Variants in SORCS2 observed in about 807,000 individuals in gnomAD.
SORCS2 encodes sortilin related VPS10 domain containing receptor 2, also known as VPS10 domain-containing receptor SorCS2.
In SORCS2, 100 loss-of-function variants were observed where a neutral mutation model predicts 141.6. The observed-to-expected ratio is 0.71, with a 90% confidence interval of 0.60 to 0.83. The LOEUF is 0.83. SORCS2 is among the 40% of genes least tolerant of loss of function. The pLI is 0.00. For synonymous variants in SORCS2, 789 were observed against 676.9 expected, an observed-to-expected ratio of 1.17 and a Z score of -2.57; for missense variants, 1,646 against 1,560.2, an observed-to-expected ratio of 1.05 and a Z score of -0.93.
intron 1 of SORCS2, among the ~76,000 whole-genome samples, chr4:7,309,589 G>T: frequency 6.6e-6 from 1 of 152,332 alleles, no homozygotes; most frequent in Admixed American, 6.5e-5. Context: ...TTGGCTTGCT[G>T]CTGAAGATTT....
At chr4:7,636,221 A>G (rs534975647) in intron 3 of SORCS2, among the ~76,000 whole-genome samples, 7 of 150,858 alleles carry the variant, frequency 4.6e-5, no homozygotes, top group African/African-American at 1.4e-4. Flanking sequence ...CTTGGCTCCA[A>G]AGGGAGACTT....
At chr4:7,622,724 C>G (rs1719284122) in intron 3 of SORCS2, among the ~76,000 whole-genome samples, 10 of 152,164 alleles carry the variant, frequency 6.6e-5, no homozygotes, top group Admixed American at 6.5e-4. Context: ...TGATGCTTCT[C>G]ACAGGAAACC....
At chr4:7,668,014 G>A in intron 8 of SORCS2, among the ~76,000 whole-genome samples, 1 of 152,176 alleles carries the variant, frequency 6.6e-6, no homozygotes, top group East Asian at 1.9e-4. Flanking sequence ...GAAGATCTCT[G>A]TCCCACATGC....
intron 18 of SORCS2, among the ~76,000 whole-genome samples, chr4:7,723,169 C>G (rs1444145417): frequency 6.6e-6 from 1 of 152,154 alleles, no homozygotes; most frequent in Non-Finnish European, 1.5e-5. Flanking sequence ...TGCCCCATCT[C>G]AGCGTCACTC....
chr4:7,389,807 G>A (rs562489142), intron 1 of SORCS2, among the ~76,000 whole-genome samples: 1 of 152,210 alleles, frequency 6.6e-6, no homozygotes, highest in Admixed American at 6.5e-5. Context: ...CATGGCCAAG[G>A]GGGTGTGTTT....
At chr4:7,657,788 G>A (rs1414403833) in intron 5 of SORCS2, among the ~76,000 whole-genome samples, 1 of 152,238 alleles carries the variant, frequency 6.6e-6, no homozygotes, top group Admixed American at 6.5e-5. Context: ...GTGACTGGGT[G>A]AGTGAATGAG....
rs112052894 is a variant in SORCS2, at chr4:7,211,634, A to G, written c.480+18508A>G. ...GTGATCCCCCTGCCTCGGCCTCCCA[A>G]AGTGCTGGGATTACAGGTGTGAGCC... On this transcript the variant is annotated intron_variant, in intron 1 of 26. Coordinates refer to ENST00000507866, the MANE Select transcript of SORCS2 (RefSeq NM_020777.3). Among the ~76,000 whole-genome samples, 784 of 152,198 alleles carry G rather than the reference A, an allele frequency of 5.2e-3. 10 individuals are homozygous for G. The highest frequency in any genetic ancestry group is 0.018 in the African/African-American group (735 of 41,532).
chr4:7,677,779 C>A (rs977953792), intron 9 of SORCS2, among the ~76,000 whole-genome samples: 1 of 152,202 alleles, frequency 6.6e-6, no homozygotes, highest in African/African-American at 2.4e-5. Context: ...ATCTCCCCAG[C>A]AGACGATGCA....
intron 4 of SORCS2, among the ~76,000 whole-genome samples, chr4:7,643,833 G>T (rs2108878138): frequency 6.6e-6 from 1 of 152,298 alleles, no homozygotes; most frequent in East Asian, 1.9e-4. Context: ...AATATCAGCA[G>T]GTTCATGAAC....
intron 2 of SORCS2, among the ~76,000 whole-genome samples, chr4:7,426,929 A>C (rs1324571446): frequency 6.6e-6 from 1 of 151,848 alleles, no homozygotes; most frequent in Non-Finnish European, 1.5e-5. Context: ...ACAGTGGGGG[A>C]TGTGTTTTGG....
intron 1 of SORCS2, among the ~76,000 whole-genome samples, chr4:7,251,765 C>T (rs1023104653): frequency 9.9e-5 from 15 of 152,160 alleles, no homozygotes; most frequent in South Asian, 2.1e-4. Context: ...CCAGAACCCC[C>T]ACCATGTGAC....
In SORCS2 at chr4:7,742,281, C is replaced by G. The variant is rs368037456; in HGVS notation, c.*2017C>G. The G allele has an allele frequency of 1.1e-3, 165 of 152,416 alleles. No individual in the cohort carries two copies. Among genetic ancestry groups the G allele is most frequent in the African/African-American group, 3.8e-3 (160 of 41,578 alleles). 9.4% of individuals were successfully genotyped at this position (152,416 alleles called of 1,614,324 possible). A position where few individuals can be genotyped will look rare whatever the true frequency, so the allele number is the denominator to read the frequency against. On this transcript the variant is annotated 3_prime_UTR_variant, in exon 27 of 27. Transcript: ENST00000507866. ...CTGGCCACCCCACCCACACCTGTCC[C>G]TGGCCAGCAGGCCGCCTGCAAGCGT... is the stretch of plus-strand genomic sequence containing the variant.
chr4:7,707,024 C>T (rs917062795), intron 14 of SORCS2, among the ~76,000 whole-genome samples: 1 of 152,208 alleles, frequency 6.6e-6, no homozygotes, highest in Admixed American at 6.5e-5. Flanking sequence ...AACTGAGGCT[C>T]TGAGAGGGGA....
At chr4:7,700,485 C>T (rs113758006) in intron 12 of SORCS2, among the ~76,000 whole-genome samples, 385 of 152,252 alleles carry the variant, frequency 2.5e-3, no homozygotes, top group Non-Finnish European at 3.7e-3. Context: ...ATGGGTCTGT[C>T]GGATGGGTAG....
At chr4:7,426,447 C>T (rs1327804455) in intron 2 of SORCS2, among the ~76,000 whole-genome samples, 1 of 152,202 alleles carries the variant, frequency 6.6e-6, no homozygotes, top group Non-Finnish European at 1.5e-5. Flanking sequence ...GTGTTGTAGG[C>T]CAGGTGTGGC....
chr4:7,292,981 T>C (rs1415839950), intron 1 of SORCS2, among the ~76,000 whole-genome samples: 1 of 152,178 alleles, frequency 6.6e-6, no homozygotes, highest in East Asian at 1.9e-4. Context: ...CCTTTTCTCT[T>C]TCTCTATTGA....
rs138967829 is a variant in SORCS2, at chr4:7,285,763, C to T, written c.480+92637C>T. On this transcript the variant is annotated intron_variant, in intron 1 of 26. Transcript: ENST00000507866. ...GGAGCATGCTGGGCCAAGGCAGATC[C>T]CCGTTTCTTTTAGTCTGGCGTGGGC... Among the ~76,000 whole-genome samples, 843 of 152,332 alleles carry T rather than the reference C, an allele frequency of 5.5e-3. 3 individuals carry two copies. The highest frequency in any genetic ancestry group is 8.4e-3 in the Admixed American group (128 of 15,308).
At chr4:7,422,438 A>G (rs551594233) in intron 2 of SORCS2, among the ~76,000 whole-genome samples, 28 of 152,232 alleles carry the variant, frequency 1.8e-4, no homozygotes, top group Non-Finnish European at 2.8e-4. Flanking sequence ...TGGGCCCACA[A>G]TGGCTGCCTA....
rs1248209952 is a variant in SORCS2 at position 7,486,316 on chromosome 4, G to A, written c.549-45214G>A. On this transcript the variant is annotated intron_variant, in intron 2 of 26. Coordinates refer to ENST00000507866, the MANE Select transcript of SORCS2 (RefSeq NM_020777.3). The stretch of plus-strand genomic sequence containing the variant: ...GGGTCCTCACTGCTGCTGTTGGAGC[G>A]CCCGCAGGCCGGCTGGGCCACTATT... Among the ~76,000 whole-genome samples, 4 of 152,270 alleles carry A rather than the reference G, an allele frequency of 2.6e-5. No individual in the cohort carries two copies. In the South Asian group the frequency reaches 6.2e-4, roughly 24 times the overall value.
Sources: allele counts gnomAD v4.1 joint callset (sites outside exome capture counted in the v4.1 genomes callset), GRCh38; gene constraint gnomAD v4.1.1; transcripts MANE v1.5; gene names NCBI Gene and HGNC (gene_info 2026-07-23, HGNC 2026-07-21).